Variants in GJA8 observed in about 807,000 individuals in gnomAD.
GJA8 encodes gap junction alpha-8 protein.
A neutral mutation model predicts 15.3 loss-of-function variants in GJA8; 13 were observed. That is an observed-to-expected ratio of 0.85 (90% CI 0.55 to 1.35). GJA8 has a LOEUF of 1.35. GJA8 is among the 40% of genes most tolerant of loss of function. The pLI is 0.00. For synonymous variants in GJA8, 304 were observed against 238.7 expected, an observed-to-expected ratio of 1.27 and a Z score of -2.52; for missense variants, 607 against 553.3, an observed-to-expected ratio of 1.10 and a Z score of -0.97.
chr1:147,912,087 T>C (rs1188820017), downstream of GJA8, among the ~76,000 whole-genome samples: 1 of 152,220 alleles, frequency 6.6e-6, no homozygotes, highest in East Asian at 1.9e-4. Context: ...TGTATCATTA[T>C]TGTGCCTTGA....
downstream of GJA8, among the ~76,000 whole-genome samples, chr1:147,912,775 T>G (rs1652219890): frequency 1.3e-5 from 2 of 151,754 alleles, no homozygotes; most frequent in South Asian, 4.2e-4. Flanking sequence ...AATCACTTGA[T>G]AGCAGTTCTA....
chr1:147,911,532 T>C (rs587702008), downstream of GJA8, among the ~76,000 whole-genome samples: 57 of 152,184 alleles, frequency 3.7e-4, no homozygotes, highest in African/African-American at 1.3e-3. Context: ...ATAGAAGAGG[T>C]ATGTTTATCT....
At chr1:147,903,188 G>T (rs1027776997) in intron 1 of GJA8, among the ~76,000 whole-genome samples, 1 of 152,160 alleles carries the variant, frequency 6.6e-6, no homozygotes, top group Non-Finnish European at 1.5e-5. Flanking sequence ...CCAAGTATTT[G>T]ATATTTATGA....
intron 1 of GJA8, among the ~76,000 whole-genome samples, chr1:147,906,577 G>C: frequency 6.6e-6 from 1 of 152,228 alleles, no homozygotes; most frequent in South Asian, 2.1e-4. Flanking sequence ...TCCTCATCCT[G>C]TGACATGATT....
At position 147,908,970 on chromosome 1, in the gene GJA8, G is replaced by A. The variant is rs1553242943; in HGVS notation, c.1015G>A (p.Glu339Lys). The change falls in exon 2 of 2, where the codon GAG (glutamate) becomes AAG (lysine). Residue 339 changes from glutamate (E) to lysine (K), a missense_variant. Glu to Lys is a moderately conservative substitution (Grantham distance 56). Transcript: ENST00000369235. The stretch of plus-strand genomic sequence containing the variant: ...AGTGGAGGGCGAGGGGCCGCCTGCA[G>A]AGGAGGGAGCCGAACCCGAGGTGGG... ...QEVEGEGPPA[E>K]EGAEPEVGEK... 7 of 1,601,770 alleles carry A rather than the reference G, an allele frequency of 4.4e-6. No individual in the cohort carries two copies. Among genetic ancestry groups the A allele is most frequent in the Admixed American group, 1.7e-5 (1 of 58,176 alleles).
chr1:147,904,643 G>A (rs1458513337), intron 1 of GJA8, among the ~76,000 whole-genome samples: 3 of 152,182 alleles, frequency 2.0e-5, no homozygotes, highest in African/African-American at 4.8e-5. Context: ...ATTTCTCCCT[G>A]CTCCCACAGA....
chr1:147,912,682 C>G (rs904675829), downstream of GJA8, among the ~76,000 whole-genome samples: 2 of 151,998 alleles, frequency 1.3e-5, no homozygotes, highest in Admixed American at 1.3e-4. Context: ...GATAAAAACC[C>G]TAGGGCACAT....
intron 1 of GJA8, among the ~76,000 whole-genome samples, chr1:147,904,400 A>G (rs1264002321): frequency 6.6e-6 from 1 of 152,186 alleles, no homozygotes; most frequent in Non-Finnish European, 1.5e-5. Flanking sequence ...GTGAAAATGT[A>G]TCACTTAGAT....
At position 147,908,697 on chromosome 1, in the gene GJA8, C is replaced by T. The variant is rs1465950565; in HGVS notation, c.742C>T (p.Pro248Ser). Residue 248 changes from proline to serine, a missense_variant, in exon 2 of 2, where the codon CCT becomes TCT. Physicochemically the swap from Pro to Ser is moderately conservative, Grantham distance 74. Coordinates refer to ENST00000369235, the MANE Select transcript of GJA8 (RefSeq NM_005267.5). ...TGTAGAGCAGCCCCTGGGGGAGATTCCTGAGAAATCCCTCCACTCCATTGC... is the reference window on the plus strand; with the variant it reads ...TGTAGAGCAGCCCCTGGGGGAGATTTCTGAGAAATCCCTCCACTCCATTGC... ...RPVEQPLGEI[P>S]EKSLHSIAVS... 10 of 1,613,928 alleles carry T rather than the reference C, an allele frequency of 6.2e-6. No individual in the cohort carries two copies. Among genetic ancestry groups the T allele is most frequent in the Middle Eastern group, 3.3e-4 (2 of 6,084 alleles).
chr1:147,909,295 A>G (rs1553243101), downstream of GJA8: 1 of 1,381,290 alleles, frequency 7.2e-7, no homozygotes, highest in African/African-American at 1.4e-5. Context: ...GCCCAAGCTT[A>G]CGTAGGGCAA....
chr1:147,908,517 T>C lies in GJA8; in HGVS notation c.562T>C (p.Cys188Arg). 2 of 1,614,154 alleles carry C rather than the reference T, an allele frequency of 1.2e-6. No homozygotes were observed. The highest frequency in any genetic ancestry group is 8.5e-7 in the Non-Finnish European group (1 of 1,180,022). Residue 188 changes from cysteine (C) to arginine (R), a missense_variant, in exon 2 of 2, where the codon TGC (cysteine) becomes CGC (arginine). Coordinates refer to ENST00000369235, the MANE Select transcript of GJA8 (RefSeq NM_005267.5). ...TCTGTACCGCTGCAGCCGGTGGCCCTGCCCCAATGTGGTGGACTGCTTCGT... is the reference window on the plus strand; with the variant it reads ...TCTGTACCGCTGCAGCCGGTGGCCCCGCCCCAATGTGGTGGACTGCTTCGT... ...LPLYRCSRWP[C>R]PNVVDCFVSR...
downstream of GJA8, among the ~76,000 whole-genome samples, chr1:147,911,551 C>T (rs887738152): frequency 3.9e-5 from 6 of 152,236 alleles, no homozygotes; most frequent in Admixed American, 1.3e-4. Context: ...CTTGGAGGCA[C>T]GTGATTTTCT....
chr1:147,905,185 A>C (rs1651742502), intron 1 of GJA8, among the ~76,000 whole-genome samples: 1 of 152,092 alleles, frequency 6.6e-6, no homozygotes, highest in Admixed American at 6.5e-5. Flanking sequence ...ATATTACAGG[A>C]ATTTGGGGAT....
chr1:147,909,106 A>T lies in GJA8; in HGVS notation c.1151A>T (p.Glu384Val), dbSNP rs781916850. The change falls in exon 2 of 2, where the codon GAA becomes GTA. Residue 384 changes from glutamate (E) to valine (V), a missense_variant. Glu to Val is a moderately radical substitution (Grantham distance 121). Coordinates refer to ENST00000369235, the MANE Select transcript of GJA8 (RefSeq NM_005267.5). Reference protein sequence around the residue: ...TPGVDKEGEKEEPQSEKVSKQ... With the variant: ...TPGVDKEGEKVEPQSEKVSKQ... Reference sequence around the variant, plus strand: ...GGAGTGGATAAGGAGGGTGAAAAAGAAGAGCCGCAGTCGGAGAAGGTGTCA... The same window carrying T: ...GGAGTGGATAAGGAGGGTGAAAAAGTAGAGCCGCAGTCGGAGAAGGTGTCA... The T allele has an allele frequency of 6.2e-7, 1 of 1,613,608 alleles. No homozygotes were observed. Among genetic ancestry groups the T allele is most frequent in the South Asian group, 1.1e-5 (1 of 91,006 alleles).
At chr1:147,905,804 G>A (rs1651774956) in intron 1 of GJA8, among the ~76,000 whole-genome samples, 1 of 152,180 alleles carries the variant, frequency 6.6e-6, no homozygotes, top group Non-Finnish European at 1.5e-5. Context: ...CCGAGCTGCT[G>A]GGTCCTTCCC....
At chr1:147,909,359 A>C (rs1571179686), downstream of GJA8, 2 of 915,298 alleles carry the variant, frequency 2.2e-6, no homozygotes. Flanking sequence ...CTGTCCTCCC[A>C]CCAGCCTCTG....
At position 147,907,968 on chromosome 1, in the gene GJA8, A is replaced by C; in HGVS notation, c.13A>C (p.Ser5Arg). 6.2e-7 allele frequency: 1 copy of C among 1,613,708 alleles called. No homozygotes were observed. Among genetic ancestry groups the C allele is most frequent in the Non-Finnish European group, 8.5e-7 (1 of 1,179,686 alleles). The change falls in exon 2 of 2, where the codon AGT becomes CGT. Residue 5 changes from serine to arginine, a missense_variant. Transcript: ENST00000369235. ...AGGTGGGTGAGAAATGGGCGACTGGAGTTTCCTGGGGAACATCTTGGAGGA... is the reference window on the plus strand; with the variant it reads ...AGGTGGGTGAGAAATGGGCGACTGGCGTTTCCTGGGGAACATCTTGGAGGA... MGDWSFLGNILEEVN... is the reference protein window; with the variant it reads MGDWRFLGNILEEVN...
At chr1:147,912,895 T>TAAA (rs782718322), downstream of GJA8, among the ~76,000 whole-genome samples, 1 of 118,972 alleles carries the variant, frequency 8.4e-6, no homozygotes, top group Non-Finnish European at 1.8e-5. Flanking sequence ...GGGCATTATT[T>TAAA]AAAAAAAAAA....
At position 147,908,134 on chromosome 1, in the gene GJA8, GCTGCGAGAACGTCTGCTA is replaced by G; in HGVS notation, c.181_198del (p.Cys61_Tyr66del). On this transcript the variant is annotated inframe_deletion, in exon 2 of 2. Transcript: ENST00000369235. ...TTCGTGTGCAACACCCAGCAGCCTG[GCTGCGAGAACGTCTGCTA>G]CGACGAGGCCTTTCCCATCTCCCAC... 1 of 1,614,234 alleles carries G rather than the reference GCTGCGAGAACGTCTGCTA, an allele frequency of 6.2e-7. No individual in the cohort carries two copies. The highest frequency in any genetic ancestry group is 1.3e-5 in the African/African-American group (1 of 75,060).
Sources: gnomAD v4.1 joint callset for allele counts (sites outside exome capture counted in the v4.1 genomes callset) on GRCh38, gnomAD v4.1.1 for gene constraint, MANE v1.5 for transcripts, NCBI Gene and HGNC (gene_info 2026-07-23, HGNC 2026-07-21) for gene names.